PHACTR2: variants seen among roughly 807,000 people sequenced by gnomAD.
The protein encoded by PHACTR2 is phosphatase and actin regulator 2.
Under a neutral mutation model 76.0 loss-of-function variants are expected in PHACTR2, and 30 were observed. That is an observed-to-expected ratio of 0.39 (90% CI 0.30 to 0.54). PHACTR2 has a LOEUF of 0.54. Among genes scored for constraint, PHACTR2 ranks in the 20% least tolerant of loss-of-function variants. The probability of loss-of-function intolerance (pLI) is 0.61; values close to 1 mark genes in which losing one functional copy is unlikely to be tolerated. For synonymous variants in PHACTR2, 292 were observed against 292.5 expected (o/e 1.00, Z 0.02); for missense variants, 696 against 781.1 (o/e 0.89, Z 1.30).
At chr6:143,667,481 A>G (rs942449507) in intron 1 of PHACTR2, among the ~76,000 whole-genome samples, 2 of 152,190 alleles carry the variant, frequency 1.3e-5, no homozygotes, top group Non-Finnish European at 2.9e-5. Flanking sequence ...GGCCATTTTT[A>G]TGATATTGAT....
intron 1 of PHACTR2, among the ~76,000 whole-genome samples, chr6:143,620,431 GT>G (rs1156452712): frequency 4.7e-4 from 63 of 135,398 alleles, no homozygotes; most frequent in Admixed American, 6.5e-4. Context: ...AAGAAATGAA[GT>G]TTTTTTTTTT....
chr6:143,812,106 C>T (rs1476723864), intron 12 of PHACTR2, among the ~76,000 whole-genome samples: 1 of 152,074 alleles, frequency 6.6e-6, no homozygotes, highest in African/African-American at 2.4e-5. Context: ...CTCCTCTTCT[C>T]GGGCACCTCT....
At chr6:143,614,779 T>A (rs1776035675) in intron 1 of PHACTR2, among the ~76,000 whole-genome samples, 1 of 152,090 alleles carries the variant, frequency 6.6e-6, no homozygotes, top group South Asian at 2.1e-4. Flanking sequence ...CACCATCAGA[T>A]GAAGTAAAGA....
intron 1 of PHACTR2, among the ~76,000 whole-genome samples, chr6:143,638,230 C>A (rs762006222): frequency 1.3e-5 from 2 of 152,064 alleles, no homozygotes; most frequent in African/African-American, 4.8e-5. Flanking sequence ...ATTCAGTGAT[C>A]GCTATGGCTT....
In PHACTR2 at chr6:143,672,057, A is replaced by G. The variant is rs1040876738; in HGVS notation, c.14-39959A>G. ...TGGAAAGCAGGTTGGCAGTTCCCTA[A>G]TGCCAAGGGTGGTACAGGGATGTGA... On this transcript the variant is annotated intron_variant, in intron 1 of 11. Coordinates refer to the PHACTR2 transcript ENST00000305766. The surrounding 1 kb of genome is among the most constrained non-coding windows in gnomAD (Gnocchi z 5.8). Among the ~76,000 whole-genome samples, 2 of 152,178 alleles carry G rather than the reference A, an allele frequency of 1.3e-5. No homozygotes were observed. Among genetic ancestry groups the G allele is most frequent in the Non-Finnish European group, 2.9e-5 (2 of 68,028 alleles).
rs1775779208 is a variant in PHACTR2, at chr6:143,598,653, T to A, written c.217+61446T>A. 6.6e-6 allele frequency among the ~76,000 whole-genome samples: 1 copy of A among 152,226 alleles called. No homozygotes were observed. Among genetic ancestry groups the A allele is most frequent in the Admixed American group, 6.5e-5 (1 of 15,284 alleles). On this transcript the variant is annotated intron_variant, in intron 1 of 11. Transcript: ENST00000367584. The surrounding 1 kb of genome is among the most constrained non-coding windows in gnomAD (Gnocchi z 4.1). ...TAAGAACAACCACATGGCTTCCCCT[T>A]CCTGGCCTATGTCCCTGTGGATATG...
intron 1 of PHACTR2, among the ~76,000 whole-genome samples, chr6:143,655,934 C>A (rs1221783683): frequency 6.6e-6 from 1 of 152,186 alleles, no homozygotes; most frequent in Non-Finnish European, 1.5e-5. Flanking sequence ...AACAGACGGG[C>A]AGCAGATACA....
chr6:143,614,232 G>C (rs1776026481), intron 1 of PHACTR2, among the ~76,000 whole-genome samples: 1 of 152,104 alleles, frequency 6.6e-6, no homozygotes, highest in African/African-American at 2.4e-5. Context: ...AAAAAAGAAA[G>C]ATGCTGATAG....
intron 1 of PHACTR2, among the ~76,000 whole-genome samples, chr6:143,612,896 T>C (rs188791312): frequency 1.2e-4 from 19 of 152,390 alleles, no homozygotes; most frequent in African/African-American, 4.1e-4. Flanking sequence ...TTGAATTTAT[T>C]GTGAAACCCA....
In PHACTR2 at chr6:143,777,739, A is replaced by G. The variant is rs894263975; in HGVS notation, c.1645+356A>G. ...AAATGTCAAAGAAAAGGCCAAAAGA[A>G]TCCACAAGGAAACAAATCAAACATT... On this transcript the variant is annotated intron_variant, in intron 9 of 12. Coordinates refer to ENST00000440869, the MANE Select transcript of PHACTR2 (RefSeq NM_001100164.2). This position sits in a 1 kb window ranked among gnomAD's most constrained non-coding sequence, Gnocchi z 4.6. Among the ~76,000 whole-genome samples the G allele has an allele frequency of 9.2e-5, 14 of 152,354 alleles. No homozygotes were observed. The highest frequency in any genetic ancestry group is 3.4e-4 in the African/African-American group (14 of 41,586).
In PHACTR2 at chr6:143,597,997, C is replaced by T. The variant is rs894360653; in HGVS notation, c.217+60790C>T. On this transcript the variant is annotated intron_variant, in intron 1 of 11. Coordinates refer to the PHACTR2 transcript ENST00000367584. The surrounding 1 kb of genome is among the most constrained non-coding windows in gnomAD (Gnocchi z 5.7). The stretch of plus-strand genomic sequence containing the variant: ...GTGGGGGCTTTGGCTGTTTCTGAGC[C>T]TGTTCCTGGGGAGAGGCAACTTTAG... 6.6e-6 allele frequency among the ~76,000 whole-genome samples: 1 copy of T among 152,120 alleles called. No individual in the cohort carries two copies. The highest frequency in any genetic ancestry group is 2.4e-5 in the African/African-American group (1 of 41,422).
chr6:143,686,672 A>G (rs1376762811), intron 1 of PHACTR2, among the ~76,000 whole-genome samples: 1 of 151,982 alleles, frequency 6.6e-6, no homozygotes, highest in African/African-American at 2.4e-5. Flanking sequence ...ATTTTAATAG[A>G]GATGAGATTT....
At position 143,617,724 on chromosome 6, in the gene PHACTR2, T is replaced by C; in HGVS notation, c.13+9402T>C. Among the ~76,000 whole-genome samples the C allele has an allele frequency of 6.6e-6, 1 of 152,196 alleles. No homozygotes were observed. Among genetic ancestry groups the C allele is most frequent in the East Asian group, 1.9e-4 (1 of 5,190 alleles). On this transcript the variant is annotated intron_variant, in intron 1 of 11. Coordinates refer to the PHACTR2 transcript ENST00000305766. The surrounding 1 kb of genome is among the most constrained non-coding windows in gnomAD (Gnocchi z 4.8). ...GTGAGATGTGAGGCTGTGAGATTAA[T>C]GAGACCTCCAAGGAAATGGCTGAAA...
intron 1 of PHACTR2, among the ~76,000 whole-genome samples, chr6:143,577,574 G>A (rs186276714): frequency 3.3e-5 from 5 of 152,284 alleles, no homozygotes; most frequent in East Asian, 1.9e-4. Context: ...TTTCAGTTTC[G>A]CTGGAATTAC....
At chr6:143,631,258 A>G (rs1430303160) in intron 1 of PHACTR2, among the ~76,000 whole-genome samples, 9 of 152,204 alleles carry the variant, frequency 5.9e-5, no homozygotes, top group Non-Finnish European at 1.0e-4. Context: ...TGGTATAATC[A>G]TAGCTCACTG....
chr6:143,667,541 C>T (rs1488899362), intron 1 of PHACTR2, among the ~76,000 whole-genome samples: 5 of 152,126 alleles, frequency 3.3e-5, no homozygotes, highest in African/African-American at 7.2e-5. Flanking sequence ...TGTGTCCTCT[C>T]TTATTTCCTT....
In PHACTR2 at chr6:143,652,905, G is replaced by C. The variant is rs1218940588; in HGVS notation, c.13+44583G>C. ...AGGATGATTCATGGTCCCTGTGCAG[G>C]CACTGCACCCAGCACCTTCTCAGGA... On this transcript the variant is annotated intron_variant, in intron 1 of 11. Transcript: ENST00000305766. This position sits in a 1 kb window ranked among gnomAD's most constrained non-coding sequence, Gnocchi z 4.5. Among the ~76,000 whole-genome samples, 1 of 152,198 alleles carries C rather than the reference G, an allele frequency of 6.6e-6. No homozygotes were observed. Among genetic ancestry groups the C allele is most frequent in the Non-Finnish European group, 1.5e-5 (1 of 68,028 alleles).
intron 2 of PHACTR2, among the ~76,000 whole-genome samples, chr6:143,748,736 G>A (rs1779122280): frequency 6.6e-6 from 1 of 152,194 alleles, no homozygotes; most frequent in African/African-American, 2.4e-5. Flanking sequence ...ATGCCTGGAC[G>A]CCAGGCCAAA....
intron 1 of PHACTR2, among the ~76,000 whole-genome samples, chr6:143,587,956 T>C (rs1055805833): frequency 1.3e-5 from 2 of 151,962 alleles, no homozygotes; most frequent in African/African-American, 4.8e-5. Flanking sequence ...GTGGTTGCAG[T>C]GAGCTGAGAT....
Sources: allele counts gnomAD v4.1 joint callset (sites outside exome capture counted in the v4.1 genomes callset), GRCh38; gene constraint gnomAD v4.1.1; non-coding constraint Gnocchi (gnomAD v3.1); transcripts MANE v1.5; gene names NCBI Gene and HGNC (gene_info 2026-07-23, HGNC 2026-07-21).